CHD7: variants seen among roughly 807,000 people sequenced by gnomAD.
CHD7 encodes the protein chromodomain helicase DNA binding protein 7, also known as ATP-dependent chromatin remodeler CHD7.
CHD7 carries 24 observed loss-of-function variants against 307.3 expected under a neutral mutation model. The observed-to-expected ratio is 0.08, with a 90% confidence interval of 0.06 to 0.11. CHD7 has a LOEUF of 0.11. CHD7 is among the 10% of genes least tolerant of loss of function. CHD7 has a pLI of 1.00. For missense variants in CHD7, 3,106 were observed against 3,727.1 expected (o/e 0.83, Z 4.34); for synonymous variants, 1,363 against 1,349.9 (o/e 1.01, Z -0.21).
At chr8:60,860,588 C>G (rs1393713756) in intron 34 of CHD7, among the ~76,000 whole-genome samples, 1 of 152,242 alleles carries the variant, frequency 6.6e-6, no homozygotes, top group African/African-American at 2.4e-5. Flanking sequence ...GCAAGTGCCA[C>G]CATGCCTGGC....
At chr8:60,759,639 G>A (rs1810076161) in intron 2 of CHD7, among the ~76,000 whole-genome samples, 1 of 152,162 alleles carries the variant, frequency 6.6e-6, no homozygotes, top group South Asian at 2.1e-4. Context: ...GCTCTGCAGA[G>A]GTAAGCCCCC....
intron 1 of CHD7, among the ~76,000 whole-genome samples, chr8:60,684,952 T>A (rs970556414): frequency 1.3e-5 from 2 of 152,060 alleles, no homozygotes; most frequent in African/African-American, 4.8e-5. Context: ...ATGGACAGAT[T>A]TGAGAGATAT....
chr8:60,765,230 C>T (rs924385809), intron 2 of CHD7, among the ~76,000 whole-genome samples: 3 of 150,916 alleles, frequency 2.0e-5, no homozygotes, highest in African/African-American at 4.9e-5. Context: ...CACACACACA[C>T]GCACACGCAT....
In CHD7 at chr8:60,823,657, T is replaced by A. The variant is rs528334282; in HGVS notation, c.3202-183T>A. On this transcript the variant is annotated intron_variant, in intron 12 of 37. Transcript: ENST00000423902. ...ATTTACTGACAGTTTTCTCATTTGT[T>A]TTCCAATTCTGTTTTACCATATCGT... is the stretch of plus-strand genomic sequence containing the variant. Among the ~76,000 whole-genome samples the A allele has an allele frequency of 2.6e-5, 4 of 152,340 alleles. No individual in the cohort carries two copies. The South Asian group carries it at 8.3e-4, about 32-fold the overall frequency.
Position 60,852,058 on chromosome 8 carries a change from A to T in CHD7, c.5705A>T (p.Tyr1902Phe). The T allele has an allele frequency of 6.2e-7, 1 of 1,613,686 alleles. No homozygotes were observed. The highest frequency in any genetic ancestry group is 8.5e-7 in the Non-Finnish European group (1 of 1,179,756). Residue 1902 changes from tyrosine (Y) to phenylalanine (F), a missense_variant, in exon 29 of 38, where the codon TAC becomes TTC. This residue lies in a region of CHD7 where 1,030 missense variants were observed against 1,165.4 expected (regional missense o/e 0.88). Coordinates refer to ENST00000423902, the MANE Select transcript of CHD7 (RefSeq NM_017780.4). ...AGTAATGCTGAGTTAGGCCAACTTT[A>T]CTGGCCTAACACTTCAACCCTGACT... is the stretch of plus-strand genomic sequence containing the variant. ...SESNAELGQL[Y>F]WPNTSTLTTR...
chr8:60,800,370 C>G lies in CHD7; in HGVS notation c.2239-18C>G. 6.2e-7 allele frequency: 1 copy of G among 1,611,214 alleles called. No homozygotes were observed. The highest frequency in any genetic ancestry group is 8.5e-7 in the Non-Finnish European group (1 of 1,178,496). On this transcript the variant is annotated intron_variant, in intron 4 of 37. Coordinates refer to ENST00000423902, the MANE Select transcript of CHD7 (RefSeq NM_017780.4). The stretch of plus-strand genomic sequence containing the variant: ...TAATCATTAATTTCAAGGCCACTGT[C>G]TTGGGTTTTTGTTTTAGAAGAGACG...
intron 14 of CHD7, among the ~76,000 whole-genome samples, chr8:60,829,484 C>G (rs1235778703): frequency 6.6e-6 from 1 of 152,056 alleles, no homozygotes; most frequent in African/African-American, 2.4e-5. Flanking sequence ...GCCTGTAGCC[C>G]CAGCTACTCT....
At chr8:60,784,791 G>A (rs1005816079) in intron 3 of CHD7, among the ~76,000 whole-genome samples, 3 of 152,170 alleles carry the variant, frequency 2.0e-5, no homozygotes, top group Non-Finnish European at 4.4e-5. Flanking sequence ...TACATAGAGT[G>A]ATGGTGAAGC....
intron 2 of CHD7, among the ~76,000 whole-genome samples, chr8:60,771,623 C>T (rs984267474): frequency 3.3e-5 from 5 of 152,194 alleles, no homozygotes; most frequent in Non-Finnish European, 7.3e-5. Flanking sequence ...ACTCGAGCCT[C>T]ACAAGGCTGT....
In CHD7 at chr8:60,741,327, A is replaced by G; in HGVS notation, c.-106A>G. The G allele has an allele frequency of 1.3e-6, 1 of 780,808 alleles. No homozygotes were observed. The highest frequency in any genetic ancestry group is 1.9e-5 in the South Asian group (1 of 53,326). 48.4% of individuals were successfully genotyped at this position (780,808 alleles called of 1,614,324 possible). A position where few individuals can be genotyped will look rare whatever the true frequency, so the allele number is the denominator to read the frequency against. ...ATTAAAGAAATATGGAATGACATGA[A>G]GAAGATTAGTTAAGGATTATAGGCT... On this transcript the variant is annotated 5_prime_UTR_variant, in exon 2 of 38. Transcript: ENST00000423902.
intron 11 of CHD7, 51 bp downstream of exon 11, chr8:60,822,196 C>T: frequency 6.8e-7 from 1 of 1,473,636 alleles, no homozygotes; most frequent in Admixed American, 2.2e-5. Flanking sequence ...TAGTTCCTTT[C>T]CTTTAGTTAT....
intron 2 of CHD7, among the ~76,000 whole-genome samples, chr8:60,750,235 C>T (rs1048470613): frequency 6.6e-6 from 1 of 152,130 alleles, no homozygotes. Flanking sequence ...TTAAAAGAAG[C>T]CACTTTTGGT....
chr8:60,742,812 A>G lies in CHD7; in HGVS notation c.1380A>G (p.Pro460=), dbSNP rs746064587. 1.8e-5 allele frequency: 29 copies of G among 1,613,830 alleles called. No homozygotes were observed. The highest frequency in any genetic ancestry group is 5.3e-5 in the African/African-American group (4 of 74,922). ...MGPRNMQQSR[P]FIGMSSAPRE... is the part of the protein sequence containing the mutation. ...CCAGAAACATGCAGCAGTCTCGTCC[A>G]TTTATAGGCATGTCCTCGGCACCAA... The change falls in exon 2 of 38, where the codon CCA becomes CCG. Residue 460 remains proline, a synonymous_variant. Transcript: ENST00000423902.
chr8:60,705,001 T>C (rs1806951059), intron 1 of CHD7, among the ~76,000 whole-genome samples: 1 of 152,198 alleles, frequency 6.6e-6, no homozygotes, highest in Non-Finnish European at 1.5e-5. Context: ...CTAGCTTTCT[T>C]TCTCACCTGG....
At position 60,848,461 on chromosome 8, in the gene CHD7, T is replaced by G. The variant is rs536618904; in HGVS notation, c.5211-54T>G. 1.8e-5 allele frequency: 24 copies of G among 1,307,138 alleles called. No homozygotes were observed. The Middle Eastern group carries it at 7.3e-4, about 40-fold the overall frequency. 81.0% of individuals were successfully genotyped at this position (1,307,138 alleles called of 1,614,324 possible). A position where few individuals can be genotyped will look rare whatever the true frequency, so the allele number is the denominator to read the frequency against. ...AGCAGCAGCTGCCAAAAGCCACTGTTGGCAAACAGTCCTGAAGTTAAGAAC... is the reference window on the plus strand; with the variant it reads ...AGCAGCAGCTGCCAAAAGCCACTGTGGGCAAACAGTCCTGAAGTTAAGAAC... On this transcript the variant is annotated intron_variant, in intron 23 of 37. Transcript: ENST00000423902.
intron 3 of CHD7, among the ~76,000 whole-genome samples, chr8:60,786,601 C>A (rs1252975002): frequency 3.3e-5 from 5 of 152,078 alleles, no homozygotes; most frequent in Non-Finnish European, 5.9e-5. Context: ...AGGCCGTGAG[C>A]CGCAGTGGGA....
At chr8:60,838,720 G>C (rs545737997) in intron 19 of CHD7, among the ~76,000 whole-genome samples, 3 of 152,288 alleles carry the variant, frequency 2.0e-5, no homozygotes, top group Admixed American at 1.3e-4. Context: ...AGCCTCTACT[G>C]TCTCCCTTTC....
At chr8:60,799,223 A>G (rs1256489952) in intron 4 of CHD7, among the ~76,000 whole-genome samples, 1 of 152,096 alleles carries the variant, frequency 6.6e-6, no homozygotes, top group Non-Finnish European at 1.5e-5. Flanking sequence ...TTTTCTTCTT[A>G]TTTTACAATT....
chr8:60,825,243 T>C (rs1804211785), intron 13 of CHD7: 1 of 152,236 alleles, frequency 6.6e-6, no homozygotes, highest in Non-Finnish European at 1.5e-5. Flanking sequence ...AAAGAGCAGC[T>C]TATTTTATTC....
Sources: allele counts gnomAD v4.1 joint callset (sites outside exome capture counted in the v4.1 genomes callset), GRCh38; gene constraint gnomAD v4.1.1; regional missense constraint gnomAD v4.1.1; transcripts MANE v1.5; gene names NCBI Gene and HGNC (gene_info 2026-07-23, HGNC 2026-07-21).